The following PCDHGB1 variants were observed in gnomAD, a reference collection of about 807,000 sequenced individuals.
The protein encoded by PCDHGB1 is protocadherin gamma-B1.
Under a neutral mutation model 56.6 loss-of-function variants are expected in PCDHGB1, and 34 were observed. That is an observed-to-expected ratio of 0.60 (90% confidence interval 0.46 to 0.80). PCDHGB1 has a LOEUF of 0.80. PCDHGB1 is among the 30% of genes least tolerant of loss of function. The probability of loss-of-function intolerance (pLI) is 0.00; values close to 1 mark genes in which losing one functional copy is unlikely to be tolerated. For missense variants in PCDHGB1, 1,278 were observed against 1,204.6 expected, an observed-to-expected ratio of 1.06 and a Z score of -0.90; for synonymous variants, 561 against 505.9, an observed-to-expected ratio of 1.11 and a Z score of -1.46.
Position 141,477,176 on chromosome 5 carries a change from G to A in PCDHGB1, c.2410-17631G>A. ...GAATGACAACGCCCCGGAGATCACA[G>A]TCACCTCCGTGTACAGCCCAGTACC... On this transcript the variant is annotated intron_variant, in intron 1 of 3. Transcript: ENST00000523390. The surrounding 1 kb of genome is among the most constrained non-coding windows in gnomAD (Gnocchi z 4.9). 2 of 1,614,206 alleles carry A rather than the reference G, an allele frequency of 1.2e-6. No individual in the cohort carries two copies. Among genetic ancestry groups the A allele is most frequent in the Admixed American group, 1.7e-5 (1 of 60,024 alleles).
Position 141,372,197 on chromosome 5 carries a change from C to T in PCDHGB1, c.2409+19528C>T, listed in dbSNP as rs57763341. 308 of 1,613,590 alleles carry T rather than the reference C, an allele frequency of 1.9e-4. No individual in the cohort carries two copies. The East Asian group carries it at 3.9e-3, about 20-fold the overall frequency. On this transcript the variant is annotated intron_variant, in intron 1 of 3. Transcript: ENST00000523390. ...CGGTGGACGCAGACTCGGGATACAA[C>T]GCCTGGCTGTCCTACCACATTGTGC... is the stretch of plus-strand genomic sequence containing the variant.
At chr5:141,421,316 G>A in intron 1 of PCDHGB1, 1 of 1,613,866 alleles carries the variant, frequency 6.2e-7, no homozygotes, top group Non-Finnish European at 8.5e-7. Flanking sequence ...TTCCGGGCCA[G>A]GCAGATCCGA....
Position 141,490,083 on chromosome 5 carries a change from T to G in PCDHGB1, c.2410-4724T>G. Reference sequence around the variant, plus strand: ...CCAACGGCCAACTAGACTATTCTTTTGGAGACCACACATCTGAGGCAGTGC... The same window carrying G: ...CCAACGGCCAACTAGACTATTCTTTGGGAGACCACACATCTGAGGCAGTGC... On this transcript the variant is annotated intron_variant, in intron 1 of 3. Coordinates refer to ENST00000523390, the MANE Select transcript of PCDHGB1 (RefSeq NM_018922.3). This position sits in a 1 kb window ranked among gnomAD's most constrained non-coding sequence, Gnocchi z 5.4. 1.2e-6 allele frequency: 2 copies of G among 1,614,262 alleles called. No individual in the cohort carries two copies. The highest frequency in any genetic ancestry group is 1.7e-6 in the Non-Finnish European group (2 of 1,180,054).
At chr5:141,492,659 T>C (rs2099742881) in intron 1 of PCDHGB1, among the ~76,000 whole-genome samples, 1 of 152,182 alleles carries the variant, frequency 6.6e-6, no homozygotes, top group Non-Finnish European at 1.5e-5. Context: ...GTCCGGATGG[T>C]CCCGGGACTC....
intron 1 of PCDHGB1, chr5:141,475,956 G>T (rs2099382674): frequency 2.5e-6 from 2 of 805,186 alleles, no homozygotes; most frequent in South Asian, 1.9e-5. Flanking sequence ...TCTGCGCCCC[G>T]GGATGAGGCA....
At position 141,485,800 on chromosome 5, in the gene PCDHGB1, C is replaced by T. The variant is rs1231777430; in HGVS notation, c.2410-9007C>T. On this transcript the variant is annotated intron_variant, in intron 1 of 3. Coordinates refer to ENST00000523390, the MANE Select transcript of PCDHGB1 (RefSeq NM_018922.3). This position sits in a 1 kb window ranked among gnomAD's most constrained non-coding sequence, Gnocchi z 5.7. The stretch of plus-strand genomic sequence containing the variant: ...ATCGAGAGAAGCAATCGGACTACCG[C>T]CTGGTGCTGACTGCTGTCGATGGAG... 1 of 1,614,228 alleles carries T rather than the reference C, an allele frequency of 6.2e-7. No homozygotes were observed. Among genetic ancestry groups the T allele is most frequent in the East Asian group, 2.2e-5 (1 of 44,878 alleles).
intron 1 of PCDHGB1, among the ~76,000 whole-genome samples, chr5:141,433,399 CTA>C (rs1491097109): frequency 1.1e-4 from 17 of 150,894 alleles, no homozygotes; most frequent in African/African-American, 4.1e-4. Context: ...ATCTATCTAT[CTA>C]TCTATTACTT....
intron 2 of PCDHGB1, among the ~76,000 whole-genome samples, chr5:141,498,436 A>G (rs566463876): frequency 6.6e-6 from 1 of 152,268 alleles, no homozygotes; most frequent in East Asian, 1.9e-4. Flanking sequence ...GGGGATGAAG[A>G]GGAGAGGTTC....
chr5:141,350,442 C>T lies in PCDHGB1; in HGVS notation c.182C>T (p.Thr61Ile). 1 of 1,610,734 alleles carries T rather than the reference C, an allele frequency of 6.2e-7. No homozygotes were observed. Among genetic ancestry groups the T allele is most frequent in the South Asian group, 1.1e-5 (1 of 91,004 alleles). ...DLGLSVRELP[T>I]RKLRVSAEDY... Reference sequence around the variant, plus strand: ...GGGCTCAGTGTCCGGGAGTTGCCAACTCGAAAACTGCGGGTTAGTGCAGAG... The same window carrying T: ...GGGCTCAGTGTCCGGGAGTTGCCAATTCGAAAACTGCGGGTTAGTGCAGAG... Residue 61 changes from threonine (T) to isoleucine (I), a missense_variant, in exon 1 of 4, where the codon ACT (threonine) becomes ATT (isoleucine). Transcript: ENST00000523390.
In PCDHGB1 at chr5:141,491,091, A is replaced by T; in HGVS notation, c.2410-3716A>T. ...TGTTGCCACAGTCCACAGCCCCAGG[A>T]CTGTTCCTCGTGTCTACACACACTG... On this transcript the variant is annotated intron_variant, in intron 1 of 3. Transcript: ENST00000523390. This position sits in a 1 kb window ranked among gnomAD's most constrained non-coding sequence, Gnocchi z 6.9. The T allele has an allele frequency of 6.2e-7, 1 of 1,614,032 alleles. No individual in the cohort carries two copies. Among genetic ancestry groups the T allele is most frequent in the Non-Finnish European group, 8.5e-7 (1 of 1,180,000 alleles).
intron 1 of PCDHGB1, among the ~76,000 whole-genome samples, chr5:141,381,220 G>C (rs912985270): frequency 6.6e-6 from 1 of 152,190 alleles, no homozygotes; most frequent in African/African-American, 2.4e-5. Context: ...TCTCCTCCTG[G>C]TTCCACCAAC....
At chr5:141,438,630 A>ATG (rs2098034686) in intron 1 of PCDHGB1, among the ~76,000 whole-genome samples, 1 of 38,920 alleles carries the variant, frequency 2.6e-5, no homozygotes, top group Non-Finnish European at 4.2e-5. Flanking sequence ...ATATATATAT[A>ATG]TATATACACA....
rs530001704 is a variant in PCDHGB1, at chr5:141,434,708, ATC to A, written c.2410-60095_2410-60094del. 3.9e-3 allele frequency among the ~76,000 whole-genome samples: 589 copies of A among 152,052 alleles called. 6 individuals are homozygous for A. The highest frequency in any genetic ancestry group is 0.011 in the Admixed American group (170 of 15,250). ...TTGCTGTTAATAAATATGTGGGTAA[ATC>A]TCTGTTCAGGGCTCTCAGCTCTGAA... On this transcript the variant is annotated intron_variant, in intron 1 of 3. Coordinates refer to ENST00000523390, the MANE Select transcript of PCDHGB1 (RefSeq NM_018922.3).
At chr5:141,410,022 A>C (rs557770094) in intron 1 of PCDHGB1, 2 of 1,613,094 alleles carry the variant, frequency 1.2e-6, no homozygotes, top group South Asian at 2.2e-5. Context: ...CTGTCCTACC[A>C]CGTGCTGCAG....
chr5:141,418,036 G>T, intron 1 of PCDHGB1: 1 of 1,614,020 alleles, frequency 6.2e-7, no homozygotes, highest in Non-Finnish European at 8.5e-7. Context: ...TTAGTGTCCT[G>T]GATGTGTCGG....
intron 1 of PCDHGB1, chr5:141,394,900 C>T (rs959646500): frequency 3.7e-6 from 6 of 1,613,748 alleles, no homozygotes; most frequent in Non-Finnish European, 3.4e-6. Context: ...CTCGTGGTGG[C>T]AGTGGCTGCC....
intron 1 of PCDHGB1, chr5:141,374,632 A>T: frequency 1.2e-6 from 2 of 1,613,162 alleles, no homozygotes; most frequent in Non-Finnish European, 1.7e-6. Context: ...TGGACGTGCA[A>T]AGCGAAGCCC....
At position 141,423,606 on chromosome 5, in the gene PCDHGB1, G is replaced by A. The variant is rs945897368; in HGVS notation, c.2409+70937G>A. 9 of 1,612,046 alleles carry A rather than the reference G, an allele frequency of 5.6e-6. No individual in the cohort carries two copies. In the Admixed American group the frequency reaches 1.0e-4, roughly 18 times the overall value. On this transcript the variant is annotated intron_variant, in intron 1 of 3. Transcript: ENST00000523390. ...GCTGTGAGAAAAGCGAGCCACTCTT[G>A]ATAGCTGAAGACTCAGCTATCATTT...
At position 141,511,227 on chromosome 5, in the gene PCDHGB1, TCTC is replaced by T. The variant is rs2099883680; in HGVS notation, c.*57_*59del. 2 of 1,599,470 alleles carry T rather than the reference TCTC, an allele frequency of 1.3e-6. No homozygotes were observed. Among genetic ancestry groups the T allele is most frequent in the Non-Finnish European group, 1.7e-6 (2 of 1,173,054 alleles). ...CGGCCTCTCCCCAACCAGCCCAGCTTCTCCTTACCTGCACCCAGGCCTCAGAGT... is the reference window on the plus strand; with the variant it reads ...CGGCCTCTCCCCAACCAGCCCAGCTTCTTACCTGCACCCAGGCCTCAGAGT... On this transcript the variant is annotated 3_prime_UTR_variant, in exon 4 of 4. Transcript: ENST00000523390.
Sources: gnomAD v4.1 joint callset for allele counts (sites outside exome capture counted in the v4.1 genomes callset) on GRCh38, gnomAD v4.1.1 for gene constraint, Gnocchi (gnomAD v3.1) non-coding constraint, MANE v1.5 for transcripts, NCBI Gene and HGNC (gene_info 2026-07-23, HGNC 2026-07-21) for gene names.